KHDC1L: variants seen among roughly 807,000 people sequenced by gnomAD.
KHDC1L encodes the protein KHDC1-like protein.
KHDC1L carries 5 observed loss-of-function variants against 11.2 expected under a neutral mutation model. The observed-to-expected ratio is 0.45, with a 90% CI of 0.23 to 0.94. KHDC1L has a LOEUF of 0.94. Among genes scored for constraint, KHDC1L ranks in the 40% least tolerant of loss-of-function variants. The pLI is 0.22. For synonymous variants in KHDC1L, 66 were observed against 62.7 expected (o/e 1.05, Z -0.25); for missense variants, 168 against 165.8 (o/e 1.01, Z -0.07).
rs754434890 is a variant in KHDC1L, at chr6:73,223,740, A to C, written c.*8T>G. 1.3e-6 allele frequency: 2 copies of C among 1,597,310 alleles called. No homozygotes were observed. Among genetic ancestry groups the C allele is most frequent in the Non-Finnish European group, 8.5e-7 (1 of 1,170,898 alleles). On this transcript the variant is annotated 3_prime_UTR_variant, in exon 3 of 3. Coordinates refer to ENST00000370388, the MANE Select transcript of KHDC1L (RefSeq NM_001126063.3). Reference sequence around the variant, plus strand: ...ACTTCTCCTCTCATCCCCTCTTCCCAGGGGAGATCAGTCTCCGGTGTACGG... The same window carrying C: ...ACTTCTCCTCTCATCCCCTCTTCCCCGGGGAGATCAGTCTCCGGTGTACGG...
intron 1 of KHDC1L, among the ~76,000 whole-genome samples, chr6:73,224,600 C>T (rs954545621): frequency 6.6e-6 from 1 of 151,790 alleles, no homozygotes; most frequent in African/African-American, 2.4e-5. Context: ...CATGGTGAAA[C>T]CCCGTCTCTA....
intron 2 of KHDC1L, 94 bp downstream of exon 2, chr6:73,224,072 C>T: frequency 7.2e-7 from 1 of 1,395,566 alleles, no homozygotes; most frequent in Non-Finnish European, 9.6e-7. Context: ...CCCAGCCACA[C>T]AAGGGATTCT....
At position 73,225,212 on chromosome 6, in the gene KHDC1L, A is replaced by G. The variant is rs1402390041; in HGVS notation, c.112+85T>C. 4 of 1,271,052 alleles carry G rather than the reference A, an allele frequency of 3.1e-6. No homozygotes were observed. In the African/African-American group the frequency reaches 6.0e-5, roughly 19 times the overall value. 78.7% of individuals were successfully genotyped at this position (1,271,052 alleles called of 1,614,324 possible). On this transcript the variant is annotated intron_variant, in intron 1 of 2. Coordinates refer to ENST00000370388, the MANE Select transcript of KHDC1L (RefSeq NM_001126063.3). ...AACCCAAAAGGCAGACGTTGCAGTG[A>G]GCCAAGATCACGAGCGAGAATCTGT...
In KHDC1L at chr6:73,223,640, G is replaced by A; in HGVS notation, c.*108C>T. The A allele has an allele frequency of 2.4e-6, 2 of 841,484 alleles. No homozygotes were observed. The allele number at this position is 841,484 out of a possible 1,614,324, so 52.1% of individuals were successfully genotyped here. ...TCAGACACATGCCTAGAAGGCCTGA[G>A]AGGGGCAGGTCTGGCCACAAATTCA... On this transcript the variant is annotated 3_prime_UTR_variant, in exon 3 of 3. Transcript: ENST00000370388.
chr6:73,223,822 G>C lies in KHDC1L; in HGVS notation c.313C>G (p.Arg105Gly). 6.2e-7 allele frequency: 1 copy of C among 1,600,564 alleles called. No individual in the cohort carries two copies. Among genetic ancestry groups the C allele is most frequent in the East Asian group, 2.2e-5 (1 of 44,486 alleles). ...CHARGLKMLERVRSQPLTNDD... is the reference protein window; with the variant it reads ...CHARGLKMLEGVRSQPLTNDD... ...TTGGTCAGGGGCTGGCTTCGGACAC[G>C]CTCTAGCATCTTCAGACCTGCAAAA... The change falls in exon 3 of 3, where the codon CGT (arginine) becomes GGT (glycine). Residue 105 changes from arginine to glycine, a missense_variant. Arg to Gly is a moderately radical substitution (Grantham distance 125). Coordinates refer to ENST00000370388, the MANE Select transcript of KHDC1L (RefSeq NM_001126063.3).
intron 2 of KHDC1L, 79 bp from the exon 3 acceptor site, chr6:73,223,918 G>C (rs1265147485): frequency 4.8e-6 from 6 of 1,252,710 alleles, no homozygotes; most frequent in East Asian, 2.5e-5. Context: ...CCACCAGGAA[G>C]GTTCCAGAGA....
rs755134225 is a variant in KHDC1L, at chr6:73,224,217, G to A, written c.244C>T (p.Leu82=). 2 of 1,575,434 alleles carry A rather than the reference G, an allele frequency of 1.3e-6. No individual in the cohort carries two copies. Among genetic ancestry groups the A allele is most frequent in the South Asian group, 2.3e-5 (2 of 85,898 alleles). The change falls in exon 2 of 3, where the codon CTG becomes TTG. Residue 82 remains leucine (L), a synonymous_variant. Transcript: ENST00000370388. ...CTCCCCACGCAATGGAACATGAGCAGCAGCCACTGCTTTGCCATTGGTGGT... is the reference window on the plus strand; with the variant it reads ...CTCCCCACGCAATGGAACATGAGCAACAGCCACTGCTTTGCCATTGGTGGT... ...VGPPMAKQWL[L]LMFHCVGSQD...
intron 2 of KHDC1L, 110 bp from the exon 3 acceptor site, chr6:73,223,949 T>C: frequency 9.6e-7 from 1 of 1,041,874 alleles, no homozygotes; most frequent in Non-Finnish European, 1.4e-6. Context: ...CCAGCCCAGG[T>C]CTTCCAAGGT....
At chr6:73,224,383 G>A (rs1438630777) in intron 1 of KHDC1L, 35 bp from the exon 2 acceptor site, 1 of 1,510,704 alleles carries the variant, frequency 6.6e-7, no homozygotes, top group Non-Finnish European at 8.9e-7. Context: ...GAAACTGTCA[G>A]CCACCAGTCC....
intron 1 of KHDC1L, 105 bp downstream of exon 1, chr6:73,225,192 A>G (rs1766340097): frequency 1.9e-6 from 2 of 1,043,026 alleles, no homozygotes; most frequent in Admixed American, 5.0e-5. Flanking sequence ...ACTTGAACCC[A>G]AAAGGCAGAC....
chr6:73,224,317 C>T lies in KHDC1L; in HGVS notation c.144G>A (p.Glu48=). 1.9e-6 allele frequency: 3 copies of T among 1,593,326 alleles called. No homozygotes were observed. The highest frequency in any genetic ancestry group is 1.7e-4 in the Middle Eastern group (1 of 6,036). ...GCTGAATAAGGGTGTGGCTGTGCAG[C>T]TCAATGCAGCGAAGGTACGTGTCAT... ...GLDDTYLRCI[E]LHSHTLIQLE... is the part of the protein sequence containing the mutation. The change falls in exon 2 of 3, where the codon GAG becomes GAA. Residue 48 remains glutamate, a synonymous_variant. Coordinates refer to ENST00000370388, the MANE Select transcript of KHDC1L (RefSeq NM_001126063.3).
rs1766304448 is a variant in KHDC1L, at chr6:73,223,685, C to A, written c.*63G>T. 1.5e-6 allele frequency: 2 copies of A among 1,374,668 alleles called. No individual in the cohort carries two copies. Among genetic ancestry groups the A allele is most frequent in the South Asian group, 2.5e-5 (2 of 79,394 alleles). 85.2% of individuals were successfully genotyped at this position (1,374,668 alleles called of 1,614,324 possible). A position where few individuals can be genotyped will look rare whatever the true frequency, so the allele number is the denominator to read the frequency against. Reference sequence around the variant, plus strand: ...AATTCAAACTTTCTTCAGTGTTTTTCATGTCTTTCTCACCAAAAGCGAAGC... The same window carrying A: ...AATTCAAACTTTCTTCAGTGTTTTTAATGTCTTTCTCACCAAAAGCGAAGC... On this transcript the variant is annotated 3_prime_UTR_variant, in exon 3 of 3. Coordinates refer to ENST00000370388, the MANE Select transcript of KHDC1L (RefSeq NM_001126063.3).
Position 73,225,373 on chromosome 6 carries a change from C to T in KHDC1L, c.36G>A (p.Pro12=). 6.2e-7 allele frequency: 1 copy of T among 1,614,116 alleles called. No individual in the cohort carries two copies. Among genetic ancestry groups the T allele is most frequent in the Non-Finnish European group, 8.5e-7 (1 of 1,179,976 alleles). The change falls in exon 1 of 3, where the codon CCG becomes CCA. Residue 12 remains proline, a synonymous_variant. Transcript: ENST00000370388. The part of the protein sequence containing the change: ...AVGTSALSKE[P]WWTLPENFHS... ...GAAAGTTTTCGGGCAGGGTCCACCA[C>T]GGCTCCTTGCTGAGAGCACTCGTTC...
chr6:73,225,357 C>G lies in KHDC1L; in HGVS notation c.52G>C (p.Glu18Gln). 1.2e-6 allele frequency: 2 copies of G among 1,614,122 alleles called. No individual in the cohort carries two copies. The highest frequency in any genetic ancestry group is 2.2e-5 in the South Asian group (2 of 91,070). ...LSKEPWWTLPENFHSPMVFHM... is the reference protein window; with the variant it reads ...LSKEPWWTLPQNFHSPMVFHM... ...AACACCATTGGAGAATGAAAGTTTTCGGGCAGGGTCCACCACGGCTCCTTG... is the reference window on the plus strand; with the variant it reads ...AACACCATTGGAGAATGAAAGTTTTGGGGCAGGGTCCACCACGGCTCCTTG... The change falls in exon 1 of 3, where the codon GAA becomes CAA. Residue 18 changes from glutamate to glutamine, a missense_variant. Transcript: ENST00000370388.
At chr6:73,225,275 G>A in intron 1 of KHDC1L, 22 bp downstream of exon 1, 1 of 1,600,886 alleles carries the variant, frequency 6.2e-7, no homozygotes, top group Non-Finnish European at 8.6e-7. Context: ...TGAAGGAGGG[G>A]ACGTGGGCAA....
intron 1 of KHDC1L, among the ~76,000 whole-genome samples, chr6:73,224,738 T>A (rs1383622976): frequency 8.6e-6 from 1 of 115,648 alleles, no homozygotes; most frequent in Non-Finnish European, 1.7e-5. Context: ...ATCGCGCCAC[T>A]GCACTCCAGC....
In KHDC1L at chr6:73,224,239, T is replaced by C. The variant is rs1267292968; in HGVS notation, c.222A>G (p.Pro74=). 3 of 1,580,778 alleles carry C rather than the reference T, an allele frequency of 1.9e-6. No individual in the cohort carries two copies. The highest frequency in any genetic ancestry group is 2.6e-6 in the Non-Finnish European group (3 of 1,162,378). Reference sequence around the variant, plus strand: ...GCAGCAGCCACTGCTTTGCCATTGGTGGTCCGACTACAGTCACACGTGTCT... The same window carrying C: ...GCAGCAGCCACTGCTTTGCCATTGGCGGTCCGACTACAGTCACACGTGTCT... ...TGQTRVTVVG[P]PMAKQWLLLM... The change falls in exon 2 of 3, where the codon CCA becomes CCG. Residue 74 remains proline, a synonymous_variant. Transcript: ENST00000370388.
Position 73,225,471 on chromosome 6 carries a change from G to A in KHDC1L, c.-63C>T. The A allele has an allele frequency of 8.2e-7, 1 of 1,222,276 alleles. No homozygotes were observed. Among genetic ancestry groups the A allele is most frequent in the Non-Finnish European group, 1.2e-6 (1 of 834,112 alleles). 75.7% of individuals were successfully genotyped at this position (1,222,276 alleles called of 1,614,324 possible). A position where few individuals can be genotyped will look rare whatever the true frequency, so the allele number is the denominator to read the frequency against. The stretch of plus-strand genomic sequence containing the variant: ...AACAAACTGGTTGGCAAAAGACTTG[G>A]AAAAGCGAGGAAGGGCCTAGGCTCT... On this transcript the variant is annotated 5_prime_UTR_variant, in exon 1 of 3. Coordinates refer to ENST00000370388, the MANE Select transcript of KHDC1L (RefSeq NM_001126063.3).
chr6:73,224,337 T>TGTC lies in KHDC1L; in HGVS notation c.121_123dup (p.Asp41dup), dbSNP rs1766317724. On this transcript the variant is annotated inframe_insertion, in exon 2 of 3. Transcript: ENST00000370388. ...TGCAGCTCAATGCAGCGAAGGTACG[T>TGTC]GTCATCAAGTCCTGTAAGCACAAGA... 6.3e-7 allele frequency: 1 copy of TGTC among 1,576,322 alleles called. No homozygotes were observed. The highest frequency in any genetic ancestry group is 2.3e-5 in the East Asian group (1 of 44,068).
Sources: allele counts gnomAD v4.1 joint callset (sites outside exome capture counted in the v4.1 genomes callset), GRCh38; gene constraint gnomAD v4.1.1; transcripts MANE v1.5; gene names NCBI Gene and HGNC (gene_info 2026-07-23, HGNC 2026-07-21).